The following CUBN variants were observed in gnomAD, a reference collection of about 807,000 sequenced individuals.
CUBN encodes the protein 460 kDa receptor.
In CUBN, 282 loss-of-function variants were observed where a neutral mutation model predicts 405.3. The observed-to-expected ratio is 0.70, with a 90% CI of 0.63 to 0.77. CUBN has a LOEUF of 0.77. Among genes scored for constraint, CUBN ranks in the 30% least tolerant of loss-of-function variants. The pLI is 0.00. For synonymous variants in CUBN, 1,684 were observed against 1,617.0 expected, an observed-to-expected ratio of 1.04 and a Z score of -0.99; for missense variants, 4,514 against 4,475.2, an observed-to-expected ratio of 1.01 and a Z score of -0.25.
chr10:16,923,110 T>G (rs544552249), intron 43 of CUBN, among the ~76,000 whole-genome samples: 4 of 152,192 alleles, frequency 2.6e-5, no homozygotes, highest in Admixed American at 1.3e-4. Flanking sequence ...AGTGCTGGGA[T>G]TACAGGCGTG....
chr10:16,906,599 G>T (rs184298964), intron 49 of CUBN, among the ~76,000 whole-genome samples, 190 bp from the exon 50 acceptor site: 1 of 152,182 alleles, frequency 6.6e-6, no homozygotes, highest in Non-Finnish European at 1.5e-5. Context: ...AAGGAAAGAT[G>T]TGCAAAAATC....
At position 16,937,589 on chromosome 10, in the gene CUBN, C is replaced by T; in HGVS notation, c.5926+3G>A. 7 of 1,613,308 alleles carry T rather than the reference C, an allele frequency of 4.3e-6. No individual in the cohort carries two copies. The highest frequency in any genetic ancestry group is 5.9e-6 in the Non-Finnish European group (7 of 1,179,468). On this transcript the variant is annotated splice_donor_region_variant and intron_variant, in intron 39 of 66. Transcript: ENST00000377833. ...AAAGAACTTCATTTATTACCAAACA[C>T]ACCTGGAGCAATGGTAGGTAAAACA...
At chr10:17,125,284 T>A (rs1837152344) in intron 4 of CUBN, among the ~76,000 whole-genome samples, 1 of 152,026 alleles carries the variant, frequency 6.6e-6, no homozygotes, top group Non-Finnish European at 1.5e-5. Flanking sequence ...CTATATACAG[T>A]GACTCATAAA....
intron 8 of CUBN, among the ~76,000 whole-genome samples, chr10:17,111,434 T>C (rs1210976860): frequency 6.6e-6 from 1 of 152,110 alleles, no homozygotes; most frequent in African/African-American, 2.4e-5. Context: ...CTGGTATAAG[T>C]AGGTAAGAGG....
chr10:17,051,691 G>C (rs993930308), intron 22 of CUBN, among the ~76,000 whole-genome samples: 13 of 151,522 alleles, frequency 8.6e-5, no homozygotes, highest in African/African-American at 3.1e-4. Flanking sequence ...TAAACTGTAG[G>C]CAGAAGAAAA....
In CUBN at chr10:16,903,999, G is replaced by A. The variant is rs747566700; in HGVS notation, c.8029C>T (p.His2677Tyr). ...IHFVTNERVEHIGFHAKYSFT... is the reference protein window; with the variant it reads ...IHFVTNERVEYIGFHAKYSFT... ...GAATACTTTGCATGGAATCCAATGT[G>A]TTCTACACGTTCGTTGGTGACAAAG... Residue 2677 changes from histidine (H) to tyrosine (Y), a missense_variant, in exon 51 of 67, where the codon CAC becomes TAC. This residue lies in a region of CUBN where 1,186 missense variants were observed against 1,186.9 expected (regional missense o/e 1.00). Transcript: ENST00000377833. 19 of 1,612,732 alleles carry A rather than the reference G, an allele frequency of 1.2e-5. No homozygotes were observed. The highest frequency in any genetic ancestry group is 1.5e-5 in the Non-Finnish European group (18 of 1,178,874).
chr10:17,092,268 T>C (rs1375739399), intron 14 of CUBN, among the ~76,000 whole-genome samples: 1 of 152,144 alleles, frequency 6.6e-6, no homozygotes. Flanking sequence ...ATCACCCCTA[T>C]TCATCCTGAA....
chr10:17,105,947 G>T (rs529360295), intron 10 of CUBN, among the ~76,000 whole-genome samples: 2 of 152,296 alleles, frequency 1.3e-5, no homozygotes, highest in South Asian at 4.1e-4. Flanking sequence ...GAAACTATCT[G>T]TTGCAAGCAC....
rs373313722 is a variant in CUBN, at chr10:16,933,296, A to T, written c.5927-12T>A. ...GCCACCACAAGCACCTGTAGAATAG[A>T]AAGCAACATCTTTGACACAGCCCTA... On this transcript the variant is annotated splice_polypyrimidine_tract_variant and intron_variant, in intron 39 of 66. Coordinates refer to ENST00000377833, the MANE Select transcript of CUBN (RefSeq NM_001081.4). The T allele has an allele frequency of 3.7e-6, 6 of 1,612,382 alleles. No individual in the cohort carries two copies. Among genetic ancestry groups the T allele is most frequent in the Non-Finnish European group, 4.2e-6 (5 of 1,179,734 alleles).
In CUBN at chr10:16,990,379, G is replaced by T; in HGVS notation, c.4305C>A (p.Asp1435Glu). The T allele has an allele frequency of 6.2e-7, 1 of 1,614,158 alleles. No homozygotes were observed. Among genetic ancestry groups the T allele is most frequent in the Non-Finnish European group, 8.5e-7 (1 of 1,180,032 alleles). The change falls in exon 29 of 67, where the codon GAC (aspartate) becomes GAA (glutamate). Residue 1435 changes from aspartate (D) to glutamate (E), a missense_variant. Physicochemically the swap from Asp to Glu is conservative, Grantham distance 45. This residue lies in a region of CUBN where 1,613 missense variants were observed against 1,542.8 expected (regional missense o/e 1.05). Coordinates refer to ENST00000377833, the MANE Select transcript of CUBN (RefSeq NM_001081.4). ...ACCTTGAATGATACTCCACATCGAA[G>T]TCATGGATGGTGAGCTGAATGCTAC... ...PGSSIQLTIH[D>E]FDVEYHSRCN... is the part of the protein sequence containing the mutation.
chr10:16,960,002 A>G (rs1843172439), intron 31 of CUBN, among the ~76,000 whole-genome samples: 1 of 152,246 alleles, frequency 6.6e-6, no homozygotes, highest in African/African-American at 2.4e-5. Flanking sequence ...GATGATAGTA[A>G]TAAAATAAAA....
In CUBN at chr10:17,057,490, T is replaced by C. The variant is rs557531500; in HGVS notation, c.3139+8018A>G. Among the ~76,000 whole-genome samples, 21 of 152,182 alleles carry C rather than the reference T, an allele frequency of 1.4e-4. No individual in the cohort carries two copies. The South Asian group carries it at 4.4e-3, about 32-fold the overall frequency. On this transcript the variant is annotated intron_variant, in intron 22 of 66. Coordinates refer to ENST00000377833, the MANE Select transcript of CUBN (RefSeq NM_001081.4). ...ACTCCTATTTCAGAATTGTCAATCATATAGGTGGGAATATAAAATGGCATA... is the reference window on the plus strand; with the variant it reads ...ACTCCTATTTCAGAATTGTCAATCACATAGGTGGGAATATAAAATGGCATA...
chr10:16,973,027 C>T (rs982964182), intron 31 of CUBN, among the ~76,000 whole-genome samples: 11 of 152,258 alleles, frequency 7.2e-5, no homozygotes, highest in South Asian at 2.1e-4. Flanking sequence ...ATGTTATTCC[C>T]GTTTTACAGA....
intron 28 of CUBN, among the ~76,000 whole-genome samples, chr10:16,994,045 G>A (rs1408892964): frequency 2.0e-5 from 3 of 152,124 alleles, no homozygotes; most frequent in African/African-American, 7.2e-5. Context: ...ACAGTACTAG[G>A]AGGGTGCAGC....
intron 22 of CUBN, among the ~76,000 whole-genome samples, chr10:17,063,320 G>A (rs574536469): frequency 2.3e-4 from 35 of 152,168 alleles, no homozygotes; most frequent in Non-Finnish European, 5.0e-4. Flanking sequence ...CGGGCACAGT[G>A]ACCAGCCGGG....
intron 17 of CUBN, among the ~76,000 whole-genome samples, chr10:17,081,622 T>C (rs192517391): frequency 1.3e-5 from 2 of 152,340 alleles, no homozygotes; most frequent in East Asian, 3.9e-4. Flanking sequence ...ATGACCACTA[T>C]CTGAAGAACA....
chr10:16,918,893 AATC>A (rs2131465438), intron 44 of CUBN, 93 bp from the exon 45 acceptor site: 2 of 1,141,932 alleles, frequency 1.8e-6, no homozygotes, highest in East Asian at 2.6e-5. Context: ...GATATTATTA[AATC>A]ATCATTTCTT....
At chr10:16,920,290 C>A (rs1417454855) in intron 43 of CUBN, among the ~76,000 whole-genome samples, 153 bp from the exon 44 acceptor site, 2 of 152,198 alleles carry the variant, frequency 1.3e-5, no homozygotes, top group Non-Finnish European at 2.9e-5. Context: ...CAAACAAATT[C>A]TCAATTTGCT....
At chr10:16,861,787 G>A (rs989183273) in intron 59 of CUBN, among the ~76,000 whole-genome samples, 4 of 151,894 alleles carry the variant, frequency 2.6e-5, no homozygotes, top group African/African-American at 4.8e-5. Context: ...TTTCTTCCAC[G>A]GAACATCCAA....
Sources: allele counts gnomAD v4.1 joint callset (sites outside exome capture counted in the v4.1 genomes callset), GRCh38; gene constraint gnomAD v4.1.1; regional missense constraint gnomAD v4.1.1; transcripts MANE v1.5; gene names NCBI Gene and HGNC (gene_info 2026-07-23, HGNC 2026-07-21).